Variants in MCC observed in about 807,000 individuals in gnomAD.
MCC encodes the protein colorectal mutant cancer protein.
A neutral mutation model predicts 116.2 loss-of-function variants in MCC; 90 were observed. The ratio of observed to expected loss-of-function variants is 0.77; its 90% CI spans 0.65 to 0.92. The LOEUF (loss-of-function observed/expected upper bound fraction) is 0.92, where lower values mean the gene tolerates loss of function less well. Ranked by LOEUF, MCC falls within the 40% of genes least tolerant of loss-of-function variation. The probability of loss-of-function intolerance (pLI) is 0.00; values close to 1 mark genes in which losing one functional copy is unlikely to be tolerated. For synonymous variants in MCC, 578 were observed against 510.5 expected (o/e 1.13, Z -1.78); for missense variants, 1,516 against 1,312.2 (o/e 1.16, Z -2.40).
In MCC at chr5:113,022,705, T is replaced by G. The variant is rs1750231245; in HGVS notation, c.*4597A>C. 6.6e-6 allele frequency: 1 copy of G among 152,232 alleles called. No homozygotes were observed. Among genetic ancestry groups the G allele is most frequent in the African/African-American group, 2.4e-5 (1 of 41,462 alleles). The allele number at this position is 152,232 out of a possible 1,614,324, so 9.4% of individuals were successfully genotyped here. On this transcript the variant is annotated 3_prime_UTR_variant, in exon 19 of 19. Coordinates refer to ENST00000408903, the MANE Select transcript of MCC (RefSeq NM_001085377.2). ...CAAAAGGGAATGGTAGAACCAGAATTACTAAGTACGGCATCAGTGTGAATG... is the reference window on the plus strand; with the variant it reads ...CAAAAGGGAATGGTAGAACCAGAATGACTAAGTACGGCATCAGTGTGAATG...
intron 1 of MCC, among the ~76,000 whole-genome samples, chr5:113,466,187 T>TTTA (rs1771901184): frequency 1.3e-5 from 2 of 149,368 alleles, no homozygotes; most frequent in Non-Finnish European, 3.0e-5. Flanking sequence ...TTTTTTTAAT[T>TTTA]TTATTATTAT....
chr5:113,196,716 G>C (rs893345869), intron 3 of MCC, among the ~76,000 whole-genome samples: 1 of 152,196 alleles, frequency 6.6e-6, no homozygotes, highest in African/African-American at 2.4e-5. Context: ...GAGCGTGGTG[G>C]CACATGCCTG....
intron 3 of MCC, chr5:113,234,337 A>G (rs1032710562): frequency 6.6e-6 from 1 of 152,134 alleles, no homozygotes; most frequent in African/African-American, 2.4e-5. Context: ...AATCTTATAT[A>G]AAAATATATA....
At chr5:113,053,984 C>T (rs1752654104) in intron 14 of MCC, 25 bp from the exon 15 acceptor site, 2 of 1,537,076 alleles carry the variant, frequency 1.3e-6, no homozygotes, top group East Asian at 2.3e-5. Flanking sequence ...AAACAAAGAC[C>T]CACCACCCTG....
At chr5:113,138,282 A>T (rs1398559964) in intron 5 of MCC, among the ~76,000 whole-genome samples, 1 of 152,194 alleles carries the variant, frequency 6.6e-6, no homozygotes, top group East Asian at 1.9e-4. Flanking sequence ...AAGTGCTGGG[A>T]TTATAGGCAT....
At chr5:113,153,210 T>C (rs778793292) in intron 3 of MCC, among the ~76,000 whole-genome samples, 124 of 152,254 alleles carry the variant, frequency 8.1e-4, no homozygotes, top group Non-Finnish European at 1.6e-3. Flanking sequence ...CTTGAAGAAA[T>C]TGAGGAGTGG....
chr5:113,459,176 T>TGTGTGA (rs1183818358), intron 1 of MCC, among the ~76,000 whole-genome samples: 1 of 113,910 alleles, frequency 8.8e-6, no homozygotes, highest in African/African-American at 4.3e-5. Flanking sequence ...TGTGTGTGTG[T>TGTGTGA]GTGAAGTGGG....
At chr5:113,386,709 T>G (rs1464281769) in intron 1 of MCC, among the ~76,000 whole-genome samples, 1 of 151,518 alleles carries the variant, frequency 6.6e-6, no homozygotes, top group Non-Finnish European at 1.5e-5. Context: ...CATAGCTACA[T>G]GTTTTATCTT....
Position 113,081,353 on chromosome 5 carries a change from C to G in MCC, c.1784+1507G>C, listed in dbSNP as rs533363559. The stretch of plus-strand genomic sequence containing the variant: ...AGCCTTTGTTTTCTCATTTGCAAAA[C>G]AGGACTACTCTACCCTCACAAGCTG... On this transcript the variant is annotated intron_variant, in intron 11 of 18. Coordinates refer to ENST00000408903, the MANE Select transcript of MCC (RefSeq NM_001085377.2). 1.5e-3 allele frequency among the ~76,000 whole-genome samples: 234 copies of G among 152,338 alleles called. 2 individuals are homozygous for G. The highest frequency in any genetic ancestry group is 3.4e-3 in the Middle Eastern group (1 of 294).
At chr5:113,155,868 A>C (rs964726076) in intron 3 of MCC, among the ~76,000 whole-genome samples, 16 of 152,230 alleles carry the variant, frequency 1.1e-4, no homozygotes, top group African/African-American at 3.6e-4. Flanking sequence ...AAAATATTCC[A>C]GTTCCCATCC....
At chr5:113,215,755 T>C (rs1390368530) in intron 3 of MCC, among the ~76,000 whole-genome samples, 1 of 152,142 alleles carries the variant, frequency 6.6e-6, no homozygotes, top group African/African-American at 2.4e-5. Flanking sequence ...TAAATAACTT[T>C]CTGTTCTTTA....
chr5:113,213,660 T>C (rs1335745678), intron 3 of MCC, among the ~76,000 whole-genome samples: 2 of 152,182 alleles, frequency 1.3e-5, no homozygotes, highest in African/African-American at 4.8e-5. Flanking sequence ...CTCAGGGCTC[T>C]TTTCAGTACT....
intron 17 of MCC, among the ~76,000 whole-genome samples, chr5:113,035,506 A>C (rs796160281): frequency 1.3e-5 from 2 of 152,300 alleles, no homozygotes; most frequent in African/African-American, 4.8e-5. Context: ...CTACACGTGG[A>C]ATAAACCCTG....
chr5:113,360,835 TGTAGA>T (rs539892289), intron 2 of MCC, among the ~76,000 whole-genome samples: 84 of 152,160 alleles, frequency 5.5e-4, no homozygotes, highest in Non-Finnish European at 1.1e-3. Context: ...CCAATGTCAT[TGTAGA>T]GTTGGCTGGA....
intron 6 of MCC, among the ~76,000 whole-genome samples, chr5:113,106,772 A>G (rs975039323): frequency 5.9e-5 from 9 of 152,166 alleles, no homozygotes; most frequent in African/African-American, 2.2e-4. Flanking sequence ...GCCTGTCTCA[A>G]ACTTTTGGCC....
chr5:113,280,919 G>A (rs1420138752), intron 3 of MCC, among the ~76,000 whole-genome samples: 2 of 152,200 alleles, frequency 1.3e-5, no homozygotes, highest in Non-Finnish European at 2.9e-5. Context: ...CCACAACCAA[G>A]TGGGAGGTGG....
At chr5:113,106,992 A>T (rs1756775307) in intron 6 of MCC, among the ~76,000 whole-genome samples, 1 of 152,238 alleles carries the variant, frequency 6.6e-6, no homozygotes, top group Non-Finnish European at 1.5e-5. Context: ...GGCAATTATC[A>T]CTATCTGATC....
chr5:113,196,924 C>G, intron 3 of MCC, among the ~76,000 whole-genome samples: 1 of 152,170 alleles, frequency 6.6e-6, no homozygotes, highest in East Asian at 1.9e-4. Flanking sequence ...GGAACCTCCA[C>G]TAATGGTCTT....
intron 16 of MCC, among the ~76,000 whole-genome samples, chr5:113,045,258 G>A (rs917989174): frequency 2.6e-5 from 4 of 152,096 alleles, no homozygotes; most frequent in Non-Finnish European, 4.4e-5. Flanking sequence ...AAAACCTAAC[G>A]CAACTTGGAT....
Sources: gnomAD v4.1 joint callset for allele counts (sites outside exome capture counted in the v4.1 genomes callset) on GRCh38, gnomAD v4.1.1 for gene constraint, MANE v1.5 for transcripts, NCBI Gene and HGNC (gene_info 2026-07-23, HGNC 2026-07-21) for gene names.